TMEM164: variants seen among roughly 807,000 people sequenced by gnomAD.
TMEM164 encodes the protein transmembrane protein 164, also known as RP13-360B22.2.
In TMEM164, 4 loss-of-function variants were observed where a neutral mutation model predicts 18.8. The observed-to-expected ratio is 0.21, with a 90% CI of 0.10 to 0.49. The LOEUF is 0.49. Ranked by LOEUF, TMEM164 falls within the 20% of genes least tolerant of loss-of-function variation. The pLI is 0.98. For missense variants in TMEM164, 108 were observed against 239.9 expected (o/e 0.45, Z 3.63); for synonymous variants, 86 against 101.7 (o/e 0.85, Z 0.93).
chrX:110,037,566 C>T (rs1202498719), intron 2 of TMEM164, among the ~76,000 whole-genome samples: 1 of 111,963 alleles, frequency 8.9e-6, no homozygotes, highest in East Asian at 2.8e-4. Context: ...AGCTGGGGGG[C>T]TGTGGAGAAT....
At chrX:110,021,393 C>T (rs904417591) in intron 2 of TMEM164, among the ~76,000 whole-genome samples, 3 of 110,687 alleles carry the variant, frequency 2.7e-5, no homozygotes, top group African/African-American at 9.9e-5. Context: ...TGGAATGAGG[C>T]AGTTACCCCA....
chrX:110,177,803 C>A (rs1480993848), downstream of TMEM164: 1 of 111,926 alleles, frequency 8.9e-6, no homozygotes. Context: ...GGAGTCCTGG[C>A]CTTGCTTCCC....
At chrX:110,118,326 A>G (rs1418007188) in intron 4 of TMEM164, among the ~76,000 whole-genome samples, 1 of 111,923 alleles carries the variant, frequency 8.9e-6, no homozygotes, top group East Asian at 2.8e-4. Flanking sequence ...TATTCCTTCT[A>G]TTCTCTGTGG....
chrX:110,014,281 A>G (rs1366435914), intron 2 of TMEM164, among the ~76,000 whole-genome samples: 2 of 111,171 alleles, frequency 1.8e-5, no homozygotes, highest in African/African-American at 6.6e-5. Flanking sequence ...GATTTGATAC[A>G]GGAAAGCTTT....
chrX:110,003,765 C>G lies in TMEM164; in HGVS notation c.-10C>G. 1 of 1,187,384 alleles carries G rather than the reference C, an allele frequency of 8.4e-7. No homozygotes were observed. The highest frequency in any genetic ancestry group is 1.1e-6 in the Non-Finnish European group (1 of 883,938). On this transcript the variant is annotated 5_prime_UTR_variant, in exon 2 of 7. Transcript: ENST00000372068. Reference sequence around the variant, plus strand: ...CTTCCTGTACTGTGGTCAAGGGGAACCACTGCATCATGTCCCGGTATAGCT... The same window carrying G: ...CTTCCTGTACTGTGGTCAAGGGGAAGCACTGCATCATGTCCCGGTATAGCT...
intron 5 of TMEM164, among the ~76,000 whole-genome samples, chrX:110,163,723 A>G (rs987872636): frequency 8.9e-6 from 1 of 112,101 alleles, no homozygotes; most frequent in African/African-American, 3.2e-5. Context: ...GAAATTGTTG[A>G]CATAAGATGA....
chrX:110,094,182 T>A (rs1360658517), intron 3 of TMEM164, among the ~76,000 whole-genome samples: 3 of 111,941 alleles, frequency 2.7e-5, no homozygotes, highest in African/African-American at 9.7e-5. Flanking sequence ...GGGTGGAGAG[T>A]TCTGTAGATG....
chrX:110,159,248 C>T (rs1233591734), intron 5 of TMEM164, among the ~76,000 whole-genome samples: 1 of 110,497 alleles, frequency 9.1e-6, no homozygotes, highest in African/African-American at 3.3e-5. Context: ...TGTCAGAGTT[C>T]GAGGCCATGG....
At chrX:110,146,824 C>G (rs1007432944) in intron 5 of TMEM164, among the ~76,000 whole-genome samples, 7 of 112,482 alleles carry the variant, frequency 6.2e-5, no homozygotes, top group African/African-American at 9.7e-5. Context: ...AGCCTTGGAC[C>G]TAGGCCTTGC....
At chrX:110,126,810 C>CTGTGTG (rs4035483) in intron 4 of TMEM164, among the ~76,000 whole-genome samples, 1,591 of 69,528 alleles carry the variant, frequency 0.023, 43 homozygotes, top group African/African-American at 0.057. Context: ...TGGGCCACTC[C>CTGTGTG]TGTGTGTGTG....
At chrX:110,147,954 A>G (rs777632108) in intron 5 of TMEM164, among the ~76,000 whole-genome samples, 1 of 109,695 alleles carries the variant, frequency 9.1e-6, no homozygotes, top group South Asian at 4.0e-4. Context: ...TGAAACTTTC[A>G]CTAGCTCCTG....
intron 3 of TMEM164, among the ~76,000 whole-genome samples, chrX:110,099,666 T>C (rs2066080029): frequency 8.9e-6 from 1 of 112,201 alleles, no homozygotes; most frequent in African/African-American, 3.2e-5. Context: ...ATCTGCTTCT[T>C]TTACAGAATT....
chrX:110,030,241 C>T (rs1332073965), intron 2 of TMEM164, among the ~76,000 whole-genome samples: 1 of 101,787 alleles, frequency 9.8e-6, no homozygotes, highest in Non-Finnish European at 2.0e-5. Flanking sequence ...CTGCCTTAGC[C>T]TCCCGAGTAG....
At chrX:110,145,756 TCTG>T (rs1158027076) in intron 5 of TMEM164, among the ~76,000 whole-genome samples, 2 of 111,875 alleles carry the variant, frequency 1.8e-5, no homozygotes, top group African/African-American at 3.3e-5. Flanking sequence ...GTCTGGGAGT[TCTG>T]CTGGGCACTG....
At chrX:110,006,161 C>T (rs1284836392) in intron 2 of TMEM164, among the ~76,000 whole-genome samples, 1 of 111,142 alleles carries the variant, frequency 9.0e-6, no homozygotes, top group Non-Finnish European at 1.9e-5. Context: ...CTCCATAAGT[C>T]GTAGATGGGT....
chrX:110,087,743 G>T (rs1291647441), intron 3 of TMEM164, among the ~76,000 whole-genome samples: 1 of 111,522 alleles, frequency 9.0e-6, no homozygotes, highest in African/African-American at 3.3e-5. Flanking sequence ...GTACCCCTCT[G>T]CTCCCCACTG....
At chrX:110,013,621 G>T (rs1483866368) in intron 2 of TMEM164, among the ~76,000 whole-genome samples, 4 of 111,606 alleles carry the variant, frequency 3.6e-5, no homozygotes, top group Non-Finnish European at 7.5e-5. Flanking sequence ...AAGTAGGGCA[G>T]TAGGAATGCT....
At chrX:110,167,173 C>T (rs1040955371) in intron 5 of TMEM164, among the ~76,000 whole-genome samples, 2 of 111,817 alleles carry the variant, frequency 1.8e-5, no homozygotes, top group African/African-American at 6.5e-5. Context: ...CAGCCATCTG[C>T]ATGCCAGGAT....
intron 4 of TMEM164, among the ~76,000 whole-genome samples, chrX:110,123,961 A>T (rs1043540149): frequency 2.7e-5 from 3 of 111,236 alleles, no homozygotes; most frequent in South Asian, 3.7e-4. Flanking sequence ...AATTTTTTTT[A>T]AAAAATTAGC....
Sources: allele counts gnomAD v4.1 joint callset (sites outside exome capture counted in the v4.1 genomes callset), GRCh38; gene constraint gnomAD v4.1.1; transcripts MANE v1.5; gene names NCBI Gene and HGNC (gene_info 2026-07-23, HGNC 2026-07-21).